Variants in CEP192 observed in about 807,000 individuals in gnomAD.
The protein encoded by CEP192 is centrosomal protein of 192 kDa.
A neutral mutation model predicts 271.8 loss-of-function variants in CEP192; 151 were observed. The ratio of observed to expected loss-of-function variants is 0.56; its 90% CI spans 0.49 to 0.64. CEP192 has a LOEUF of 0.64. Ranked by LOEUF, CEP192 falls within the 30% of genes least tolerant of loss-of-function variation. The pLI is 0.00. For missense variants in CEP192, 2,910 were observed against 3,020.5 expected (o/e 0.96, Z 0.86); for synonymous variants, 995 against 1,076.5 (o/e 0.92, Z 1.48).
intron 11 of CEP192, among the ~76,000 whole-genome samples, chr18:13,031,693 G>T (rs1387248185): frequency 6.6e-6 from 1 of 152,110 alleles, no homozygotes; most frequent in African/African-American, 2.4e-5. Flanking sequence ...CTGTTTATCA[G>T]CCCAGAATGA....
In CEP192 at chr18:13,092,400, A is replaced by G; in HGVS notation, c.6127A>G (p.Asn2043Asp). Residue 2043 changes from asparagine (N) to aspartate (D), a missense_variant, in exon 34 of 45, where the codon AAT becomes GAT. Coordinates refer to ENST00000506447, the MANE Select transcript of CEP192 (RefSeq NM_032142.4). ...TEVYDLPQRP[N>D]DVQLFYGSMC... ...AGTATATGATCTTCCCCAACGACCT[A>G]ATGATGTTCAGCTCTTTTATGGAAG... The G allele has an allele frequency of 6.2e-7, 1 of 1,600,608 alleles. No homozygotes were observed. Among genetic ancestry groups the G allele is most frequent in the Non-Finnish European group, 8.5e-7 (1 of 1,171,432 alleles).
At chr18:13,044,465 T>C (rs1272441315) in intron 15 of CEP192, among the ~76,000 whole-genome samples, 1 of 152,154 alleles carries the variant, frequency 6.6e-6, no homozygotes. Flanking sequence ...CAACGTGGTC[T>C]TCTAATCTTT....
At chr18:12,995,516 TATTC>T (rs1280742693) in intron 1 of CEP192, among the ~76,000 whole-genome samples, 8 of 152,228 alleles carry the variant, frequency 5.3e-5, no homozygotes, top group African/African-American at 1.7e-4. Context: ...TGAAAATTTT[TATTC>T]ATTCATTCAC....
chr18:13,009,024 T>G (rs1486226640), intron 4 of CEP192, among the ~76,000 whole-genome samples: 2 of 150,412 alleles, frequency 1.3e-5, no homozygotes, highest in Non-Finnish European at 3.0e-5. Flanking sequence ...GTTTTTTTTT[T>G]TTTTTTTGCT....
At position 13,049,133 on chromosome 18, in the gene CEP192, T is replaced by C. The variant is rs749380650; in HGVS notation, c.2342T>C (p.Met781Thr). ...EKSNGSNALD[M>T]EKYLKKTEVS... The stretch of plus-strand genomic sequence containing the variant: ...AGTAATGGATCCAATGCACTTGATA[T>C]GGAGAAATACCTTAAAAAAACAGAA... Residue 781 changes from methionine to threonine, a missense_variant, in exon 16 of 45, where the codon ATG becomes ACG. Met to Thr is a moderately conservative substitution (Grantham distance 81, BLOSUM62 -1). Transcript: ENST00000506447. 10 of 1,613,998 alleles carry C rather than the reference T, an allele frequency of 6.2e-6. No individual in the cohort carries two copies. The highest frequency in any genetic ancestry group is 4.2e-6 in the Non-Finnish European group (5 of 1,179,968).
At chr18:13,053,976 A>G (rs2036946289) in intron 18 of CEP192, among the ~76,000 whole-genome samples, 1 of 152,108 alleles carries the variant, frequency 6.6e-6, no homozygotes, top group Non-Finnish European at 1.5e-5. Flanking sequence ...ACAGGTGCCT[A>G]CCACCACATC....
intron 11 of CEP192, among the ~76,000 whole-genome samples, chr18:13,031,573 C>A (rs1001762125): frequency 6.6e-6 from 1 of 152,044 alleles, no homozygotes; most frequent in South Asian, 2.1e-4. Flanking sequence ...AATAGGCTTG[C>A]GCCAGAGGAA....
At chr18:13,066,973 G>GTGTGTGTA (rs2037737700) in intron 21 of CEP192, among the ~76,000 whole-genome samples, 1 of 147,008 alleles carries the variant, frequency 6.8e-6, no homozygotes, top group African/African-American at 2.4e-5. Context: ...CTGTGTGTGT[G>GTGTGTGTA]TGTGTGTGTG....
At chr18:13,020,910 T>A (rs2034952209) in intron 9 of CEP192, among the ~76,000 whole-genome samples, 1 of 152,234 alleles carries the variant, frequency 6.6e-6, no homozygotes, top group Admixed American at 6.5e-5. Context: ...TGCCCACTTT[T>A]TAATTGAGTT....
intron 35 of CEP192, 144 bp from the exon 36 acceptor site, chr18:13,096,040 G>A: frequency 1.2e-6 from 1 of 837,404 alleles, no homozygotes; most frequent in Non-Finnish European, 1.8e-6. Flanking sequence ...TACTACCAAG[G>A]ATTGGAAATT....
At chr18:13,043,555 G>T (rs1568325666) in intron 15 of CEP192, among the ~76,000 whole-genome samples, 2 of 152,048 alleles carry the variant, frequency 1.3e-5, no homozygotes, top group African/African-American at 4.8e-5. Context: ...AAATCCTCTT[G>T]TATTTTTCTT....
Position 13,092,362 on chromosome 18 carries a change from T to C in CEP192, c.6104-15T>C. The C allele has an allele frequency of 1.3e-6, 2 of 1,542,040 alleles. No homozygotes were observed. The highest frequency in any genetic ancestry group is 1.8e-6 in the Non-Finnish European group (2 of 1,126,866). Reference sequence around the variant, plus strand: ...GTGAACATTCATGTATTTCAAACATTATTTTCTATTTCAGTATATGATCTT... The same window carrying C: ...GTGAACATTCATGTATTTCAAACATCATTTTCTATTTCAGTATATGATCTT... On this transcript the variant is annotated splice_polypyrimidine_tract_variant and intron_variant, in intron 33 of 44. Transcript: ENST00000506447.
At position 13,057,640 on chromosome 18, in the gene CEP192, C is replaced by G. The variant is rs540807444; in HGVS notation, c.4164C>G (p.Ile1388Met). 1.2e-6 allele frequency: 2 copies of G among 1,613,984 alleles called. No individual in the cohort carries two copies. Among genetic ancestry groups the G allele is most frequent in the Non-Finnish European group, 1.7e-6 (2 of 1,180,004 alleles). ...LKLPHACCVGIASQTLLSVLN... is the reference protein window; with the variant it reads ...LKLPHACCVGMASQTLLSVLN... ...TTCCTCATGCTTGCTGTGTCGGGAT[C>G]GCTTCCCAGACCCTCCTCAGTGTGC... The change falls in exon 20 of 45, where the codon ATC (isoleucine) becomes ATG (methionine). Residue 1388 changes from isoleucine to methionine, a missense_variant. Physicochemically the swap from Ile to Met is conservative, Grantham distance 10 (BLOSUM62 1). Transcript: ENST00000506447.
At chr18:13,103,487 A>G (rs1195493602) in intron 38 of CEP192, 22 bp from the exon 39 acceptor site, 1 of 1,595,556 alleles carries the variant, frequency 6.3e-7, no homozygotes, top group Non-Finnish European at 8.6e-7. Flanking sequence ...AGTTTGAGTT[A>G]TGATATATGT....
At chr18:13,047,984 T>C (rs7232135) in intron 15 of CEP192, among the ~76,000 whole-genome samples, 34,314 of 151,936 alleles carry the variant, frequency 0.23, 4,224 homozygotes, top group East Asian at 0.44. Flanking sequence ...TGGTACTATA[T>C]AATTAAAGTT....
At chr18:12,993,700 C>T (rs2033025999) in intron 1 of CEP192, among the ~76,000 whole-genome samples, 1 of 152,278 alleles carries the variant, frequency 6.6e-6, no homozygotes, top group South Asian at 2.1e-4. Context: ...AGGTGGGAAT[C>T]CTCTGGCCTC....
At chr18:13,045,080 A>G (rs1455415832) in intron 15 of CEP192, among the ~76,000 whole-genome samples, 1 of 152,146 alleles carries the variant, frequency 6.6e-6, no homozygotes, top group African/African-American at 2.4e-5. Context: ...TTAATATCTT[A>G]GGTTGTTAAG....
At chr18:13,071,519 A>C (rs1419254231) in intron 28 of CEP192, among the ~76,000 whole-genome samples, 1 of 152,218 alleles carries the variant, frequency 6.6e-6, no homozygotes, top group Admixed American at 6.5e-5. Context: ...GGAGAGCTGC[A>C]TAGAGAATAT....
At chr18:13,022,870 T>C (rs935335220) in intron 9 of CEP192, among the ~76,000 whole-genome samples, 2 of 152,368 alleles carry the variant, frequency 1.3e-5, no homozygotes, top group Admixed American at 1.3e-4. Context: ...TCTCAGAGTT[T>C]TGTAGTTTTC....
Sources: gnomAD v4.1 joint callset for allele counts (sites outside exome capture counted in the v4.1 genomes callset) on GRCh38, gnomAD v4.1.1 for gene constraint, MANE v1.5 for transcripts, NCBI Gene and HGNC (gene_info 2026-07-23, HGNC 2026-07-21) for gene names.